The following SORCS2 variants were observed in gnomAD, a reference collection of about 807,000 sequenced individuals.
SORCS2 encodes sortilin related VPS10 domain containing receptor 2.
A neutral mutation model predicts 141.6 loss-of-function variants in SORCS2; 100 were observed. The ratio of observed to expected loss-of-function variants is 0.71; its 90% CI spans 0.60 to 0.83. The LOEUF (loss-of-function observed/expected upper bound fraction) is 0.83, where lower values mean the gene tolerates loss of function less well. SORCS2 is among the 40% of genes least tolerant of loss of function. SORCS2 has a pLI of 0.00. For missense variants in SORCS2, 1,646 were observed against 1,560.2 expected, an observed-to-expected ratio of 1.05 and a Z score of -0.93; for synonymous variants, 789 against 676.9, an observed-to-expected ratio of 1.17 and a Z score of -2.57.
intron 1 of SORCS2, among the ~76,000 whole-genome samples, chr4:7,380,951 A>G (rs547494468): frequency 5.4e-4 from 82 of 152,152 alleles, no homozygotes; most frequent in Middle Eastern, 3.4e-3. Flanking sequence ...GTGTGGTGGC[A>G]GGTGCCTGTA....
chr4:7,534,616 G>A (rs1711957148), intron 3 of SORCS2, among the ~76,000 whole-genome samples: 1 of 152,232 alleles, frequency 6.6e-6, no homozygotes, highest in Admixed American at 6.5e-5. Context: ...GGTCCTTGTG[G>A]AGGGCAGCAG....
chr4:7,526,442 T>C (rs1334457081), intron 2 of SORCS2, among the ~76,000 whole-genome samples: 2 of 150,068 alleles, frequency 1.3e-5, no homozygotes, highest in Non-Finnish European at 3.0e-5. Flanking sequence ...GGATTCCTGG[T>C]AGATCACCTT....
At chr4:7,436,405 C>T (rs1002465703) in intron 2 of SORCS2, among the ~76,000 whole-genome samples, 2 of 152,254 alleles carry the variant, frequency 1.3e-5, no homozygotes, top group African/African-American at 4.8e-5. Context: ...CTGAAGCAAA[C>T]AGAAGGGCCT....
At chr4:7,373,346 T>A (rs868703678) in intron 1 of SORCS2, among the ~76,000 whole-genome samples, 3 of 151,116 alleles carry the variant, frequency 2.0e-5, no homozygotes, top group Admixed American at 6.6e-5. Context: ...GAGCATCTTT[T>A]CATATGCTTA....
At chr4:7,355,408 C>A (rs763333872) in intron 1 of SORCS2, among the ~76,000 whole-genome samples, 5 of 152,168 alleles carry the variant, frequency 3.3e-5, no homozygotes, top group Non-Finnish European at 7.4e-5. Context: ...ACTGCTACAA[C>A]AAAAATCCCC....
At chr4:7,668,407 A>G (rs868721272) in intron 8 of SORCS2, among the ~76,000 whole-genome samples, 21 of 152,260 alleles carry the variant, frequency 1.4e-4, no homozygotes, top group South Asian at 1.2e-3. Flanking sequence ...CTCCAAGAAG[A>G]GCAAGGGAGA....
chr4:7,446,768 A>G (rs1728028952), intron 2 of SORCS2, among the ~76,000 whole-genome samples: 1 of 152,242 alleles, frequency 6.6e-6, no homozygotes, highest in Admixed American at 6.5e-5. Flanking sequence ...AGTGGCCACC[A>G]GGGGCAATTG....
chr4:7,300,446 C>G (rs975654524), intron 1 of SORCS2, among the ~76,000 whole-genome samples: 3 of 152,152 alleles, frequency 2.0e-5, no homozygotes, highest in African/African-American at 7.2e-5. Context: ...GCACCACTCT[C>G]ACCAAGCCCT....
intron 2 of SORCS2, among the ~76,000 whole-genome samples, chr4:7,440,178 G>C (rs950483903): frequency 6.6e-6 from 1 of 152,144 alleles, no homozygotes. Flanking sequence ...AAGTAAAGAC[G>C]AGCCTGGCCA....
At chr4:7,557,839 C>T (rs982552396) in intron 3 of SORCS2, among the ~76,000 whole-genome samples, 5 of 152,214 alleles carry the variant, frequency 3.3e-5, no homozygotes, top group African/African-American at 9.6e-5. Flanking sequence ...CCCATGCCGA[C>T]GTGAAGAGTA....
At chr4:7,501,363 C>T (rs184210140) in intron 2 of SORCS2, among the ~76,000 whole-genome samples, 97 of 152,282 alleles carry the variant, frequency 6.4e-4, no homozygotes, top group African/African-American at 2.1e-3. Context: ...AGCACACATC[C>T]GTGATGACGT....
chr4:7,267,691 C>T lies in SORCS2; in HGVS notation c.480+74565C>T, dbSNP rs528707459. Among the ~76,000 whole-genome samples the T allele has an allele frequency of 1.4e-4, 21 of 152,314 alleles. No individual in the cohort carries two copies. The East Asian group carries it at 1.7e-3, about 13-fold the overall frequency. On this transcript the variant is annotated intron_variant, in intron 1 of 26. Coordinates refer to ENST00000507866, the MANE Select transcript of SORCS2 (RefSeq NM_020777.3). ...ACTAAAAATACAAAAATTAGCCAGG[C>T]GTGGTGGCAGGTGCCTGTAATCCCA... is the stretch of plus-strand genomic sequence containing the variant.
chr4:7,276,217 A>AGT (rs1715492371), intron 1 of SORCS2, among the ~76,000 whole-genome samples: 1 of 152,110 alleles, frequency 6.6e-6, no homozygotes, highest in Admixed American at 6.5e-5. Context: ...GTTGCAGGTC[A>AGT]GTGTGTGGAT....
In SORCS2 at chr4:7,286,304, G is replaced by T. The variant is rs552550192; in HGVS notation, c.480+93178G>T. Reference sequence around the variant, plus strand: ...GGGAGCCTGGCCAGCTGGAGCCACCGCTGGAGAGAGCAGGCCTGTTGTGGG... The same window carrying T: ...GGGAGCCTGGCCAGCTGGAGCCACCTCTGGAGAGAGCAGGCCTGTTGTGGG... On this transcript the variant is annotated intron_variant, in intron 1 of 26. Coordinates refer to ENST00000507866, the MANE Select transcript of SORCS2 (RefSeq NM_020777.3). This position sits in a 1 kb window ranked among gnomAD's most constrained non-coding sequence, Gnocchi z 4.1. Among the ~76,000 whole-genome samples, 1 of 152,226 alleles carries T rather than the reference G, an allele frequency of 6.6e-6. No homozygotes were observed. The highest frequency in any genetic ancestry group is 1.5e-5 in the Non-Finnish European group (1 of 68,046).
In SORCS2 at chr4:7,722,127, A is replaced by C. The variant is rs80212731; in HGVS notation, c.2425-1570A>C. ...TAAATGTGCATCAGCGCAGCCCTTGAAGGCAGGAACACAAGGCCCCGAGAG... is the reference window on the plus strand; with the variant it reads ...TAAATGTGCATCAGCGCAGCCCTTGCAGGCAGGAACACAAGGCCCCGAGAG... On this transcript the variant is annotated intron_variant, in intron 18 of 26. Coordinates refer to ENST00000507866, the MANE Select transcript of SORCS2 (RefSeq NM_020777.3). Among the ~76,000 whole-genome samples, 121 of 152,334 alleles carry C rather than the reference A, an allele frequency of 7.9e-4. No homozygotes were observed. In the East Asian group the frequency reaches 9.6e-3, roughly 12 times the overall value.
chr4:7,488,631 C>T lies in SORCS2; in HGVS notation c.549-42899C>T, dbSNP rs540086461. On this transcript the variant is annotated intron_variant, in intron 2 of 26. Transcript: ENST00000507866. The stretch of plus-strand genomic sequence containing the variant: ...CTCCTTCCACTCACCAGGACAGGAA[C>T]GGCCATCTCATTGACAGATGTGGAA... 5.3e-5 allele frequency among the ~76,000 whole-genome samples: 8 copies of T among 152,342 alleles called. No individual in the cohort carries two copies. In the East Asian group the frequency reaches 7.7e-4, roughly 15 times the overall value.
intron 3 of SORCS2, among the ~76,000 whole-genome samples, chr4:7,537,307 A>C (rs1488041498): frequency 6.6e-6 from 1 of 152,214 alleles, no homozygotes; most frequent in African/African-American, 2.4e-5. Context: ...CTGGTCTCCC[A>C]GGGCGATCCT....
intron 1 of SORCS2, among the ~76,000 whole-genome samples, chr4:7,215,856 G>A (rs911501018): frequency 3.9e-5 from 6 of 152,048 alleles, no homozygotes; most frequent in Non-Finnish European, 5.9e-5. Flanking sequence ...GATTGTAAAC[G>A]CACCAATCAG....
At chr4:7,453,215 T>C (rs1184353013) in intron 2 of SORCS2, among the ~76,000 whole-genome samples, 6 of 103,938 alleles carry the variant, frequency 5.8e-5, no homozygotes, top group Non-Finnish European at 5.7e-5. Context: ...GGTCAGGCGC[T>C]GTGTTGGGGT....
Sources: gnomAD v4.1 joint callset for allele counts (sites outside exome capture counted in the v4.1 genomes callset) on GRCh38, gnomAD v4.1.1 for gene constraint, Gnocchi (gnomAD v3.1) non-coding constraint, MANE v1.5 for transcripts, NCBI Gene and HGNC (gene_info 2026-07-23, HGNC 2026-07-21) for gene names.